Variants in ENTREP2 observed in about 807,000 individuals in gnomAD.
ENTREP2 encodes endosomal transmembrane epsin interactor 2.
the ENTREP2 span, among the ~76,000 whole-genome samples, chr15:29,388,449 T>C: frequency 2.0e-5 from 3 of 152,164 alleles, no homozygotes; most frequent in South Asian, 6.2e-4. Context: ...ATGGCCATAA[T>C]TAAAAAGTCA....
the ENTREP2 span, among the ~76,000 whole-genome samples, chr15:29,420,919 A>G: frequency 6.6e-6 from 1 of 152,236 alleles, no homozygotes; most frequent in Non-Finnish European, 1.5e-5. Context: ...CTGCCCCTGC[A>G]GCATCTTTTT....
the ENTREP2 span, among the ~76,000 whole-genome samples, chr15:29,370,298 T>A: frequency 1.1e-4 from 16 of 152,336 alleles, no homozygotes; most frequent in Admixed American, 5.2e-4. Flanking sequence ...GTGCAAATGC[T>A]AACCAAAAGA....
At chr15:29,176,424 G>A in the ENTREP2 span, among the ~76,000 whole-genome samples, 124 of 152,304 alleles carry the variant, frequency 8.1e-4, no homozygotes, top group South Asian at 5.8e-3. Context: ...GGCTCTCCTG[G>A]ATGGTGACAA....
the ENTREP2 span, among the ~76,000 whole-genome samples, chr15:29,201,054 C>G: frequency 6.6e-6 from 1 of 152,182 alleles, no homozygotes; most frequent in Non-Finnish European, 1.5e-5. Context: ...TGTTACTATA[C>G]AGTTCACTAT....
chr15:29,561,795 G>T, the ENTREP2 span, among the ~76,000 whole-genome samples: 1 of 152,134 alleles, frequency 6.6e-6, no homozygotes, highest in East Asian at 1.9e-4. Flanking sequence ...TGGTTTGGGT[G>T]GCAATCATCA....
At chr15:29,164,678 A>G in the ENTREP2 span, among the ~76,000 whole-genome samples, 1 of 152,222 alleles carries the variant, frequency 6.6e-6, no homozygotes, top group African/African-American at 2.4e-5. Flanking sequence ...AAATTTATAC[A>G]ACAATTACTA....
At chr15:29,659,194 G>A in the ENTREP2 span, among the ~76,000 whole-genome samples, 2 of 152,150 alleles carry the variant, frequency 1.3e-5, no homozygotes, top group Non-Finnish European at 2.9e-5. Context: ...CCAGAGGCTG[G>A]GCACAGTGGC....
chr15:29,307,017 G>C, the ENTREP2 span, among the ~76,000 whole-genome samples: 1 of 151,938 alleles, frequency 6.6e-6, no homozygotes, highest in African/African-American at 2.4e-5. Context: ...CAAAATGCTG[G>C]GATTACAGGA....
At chr15:29,430,388 C>T in the ENTREP2 span, among the ~76,000 whole-genome samples, 2 of 152,192 alleles carry the variant, frequency 1.3e-5, no homozygotes, top group Non-Finnish European at 2.9e-5. Context: ...TGCTCTAGGA[C>T]GTGTACTCGC....
the ENTREP2 span, among the ~76,000 whole-genome samples, chr15:29,207,071 T>C: frequency 6.6e-6 from 1 of 152,148 alleles, no homozygotes; most frequent in Non-Finnish European, 1.5e-5. Flanking sequence ...AAGCAGCTCC[T>C]GCAGCAGTGC....
the ENTREP2 span, among the ~76,000 whole-genome samples, chr15:29,323,223 G>C: frequency 5.3e-5 from 8 of 152,302 alleles, no homozygotes; most frequent in African/African-American, 1.9e-4. Flanking sequence ...GGCAGGATTA[G>C]AGGGTTGGGA....
chr15:29,451,833 C>T, the ENTREP2 span, among the ~76,000 whole-genome samples: 1 of 152,224 alleles, frequency 6.6e-6, no homozygotes, highest in Non-Finnish European at 1.5e-5. Context: ...AGGCAACGCT[C>T]GGGGCAAAGC....
the ENTREP2 span, among the ~76,000 whole-genome samples, chr15:29,565,065 T>C: frequency 6.6e-6 from 1 of 152,172 alleles, no homozygotes; most frequent in African/African-American, 2.4e-5. Flanking sequence ...ACTCCCAAAA[T>C]TGATGCACTA....
the ENTREP2 span, among the ~76,000 whole-genome samples, chr15:29,343,143 T>A: frequency 6.6e-6 from 1 of 151,784 alleles, no homozygotes; most frequent in African/African-American, 2.4e-5. Flanking sequence ...TGTGGGCACG[T>A]ATGTTCTTAT....
the ENTREP2 span, among the ~76,000 whole-genome samples, chr15:29,512,807 G>A: frequency 5.3e-5 from 8 of 152,264 alleles, no homozygotes; most frequent in Non-Finnish European, 2.9e-5. Flanking sequence ...AGCCCGAGCT[G>A]ACTAAAACAC....
chr15:29,660,805 A>G, the ENTREP2 span, among the ~76,000 whole-genome samples: 6 of 152,314 alleles, frequency 3.9e-5, no homozygotes, highest in South Asian at 8.3e-4. Context: ...GTCCACTTCT[A>G]TGAGGACTTT....
the ENTREP2 span, among the ~76,000 whole-genome samples, chr15:29,511,053 C>A: frequency 6.6e-6 from 1 of 151,812 alleles, no homozygotes; most frequent in Non-Finnish European, 1.5e-5. Context: ...CGGTGGGGGG[C>A]AAGGGGAGGG....
the ENTREP2 span, among the ~76,000 whole-genome samples, chr15:29,538,638 C>CAAAAAAAAAAA: frequency 3.8e-5 from 3 of 78,994 alleles, no homozygotes; most frequent in Admixed American, 1.6e-4. Context: ...ACTAAAAATA[C>CAAAAAAAAAAA]AAAAAAAAAA....
the ENTREP2 span, among the ~76,000 whole-genome samples, chr15:29,310,289 T>C: frequency 6.6e-6 from 1 of 152,192 alleles, no homozygotes; most frequent in African/African-American, 2.4e-5. Context: ...CAGGTAGTTC[T>C]AGGACAATTT....
Sources: gnomAD v4.1 joint callset for allele counts (sites outside exome capture counted in the v4.1 genomes callset) on GRCh38, gnomAD v4.1.1 for gene constraint, MANE v1.5 for transcripts, NCBI Gene and HGNC (gene_info 2026-07-23, HGNC 2026-07-21) for gene names.